Variants in SLC16A2 observed in about 807,000 individuals in gnomAD.
The protein encoded by SLC16A2 is monocarboxylate transporter 8.
SLC16A2 carries 3 observed loss-of-function variants against 27.2 expected under a neutral mutation model. The observed-to-expected ratio is 0.11, with a 90% CI of 0.05 to 0.28. SLC16A2 has a LOEUF of 0.28. Among genes scored for constraint, SLC16A2 ranks in the 10% least tolerant of loss-of-function variants. The pLI, the probability that SLC16A2 is intolerant of heterozygous loss-of-function variation, is 1.00. For synonymous variants in SLC16A2, 202 were observed against 187.8 expected (o/e 1.08, Z -0.62); for missense variants, 295 against 458.5 (o/e 0.64, Z 3.26).
chrX:74,423,049 G>C (rs1309729909), intron 1 of SLC16A2, among the ~76,000 whole-genome samples: 1 of 112,990 alleles, frequency 8.9e-6, no homozygotes, highest in South Asian at 3.6e-4. Flanking sequence ...AAGACCCCAG[G>C]CGTGTGCGCT....
At chrX:74,476,907 G>A (rs1254415316) in intron 1 of SLC16A2, 2 of 111,750 alleles carry the variant, frequency 1.8e-5, no homozygotes, top group African/African-American at 3.3e-5. Flanking sequence ...TTTTTGCATC[G>A]ATGTTCATCA....
chrX:74,450,094 C>G (rs1196243233), intron 1 of SLC16A2, among the ~76,000 whole-genome samples: 1 of 112,140 alleles, frequency 8.9e-6, no homozygotes, highest in Admixed American at 9.5e-5. Flanking sequence ...AACTCATGCA[C>G]TTGCTATGCT....
intron 4 of SLC16A2, among the ~76,000 whole-genome samples, chrX:74,528,969 A>G (rs763479003): frequency 8.1e-5 from 9 of 111,646 alleles, no homozygotes; most frequent in Admixed American, 7.6e-4. Context: ...AGTATCCCCC[A>G]ACTTTCTTTT....
chrX:74,499,777 A>G (rs1384116694), intron 1 of SLC16A2, among the ~76,000 whole-genome samples: 3 of 111,884 alleles, frequency 2.7e-5, no homozygotes, highest in African/African-American at 6.5e-5. Context: ...GTTTCTGAAT[A>G]AAATATTTTT....
At chrX:74,457,093 C>T (rs1929052331) in intron 1 of SLC16A2, among the ~76,000 whole-genome samples, 1 of 106,929 alleles carries the variant, frequency 9.4e-6, no homozygotes, top group South Asian at 4.2e-4. Flanking sequence ...CCCCAGTAGC[C>T]CATCAAAATC....
chrX:74,506,937 A>ATTT lies in SLC16A2; in HGVS notation c.431-14042_431-14040dup, dbSNP rs34001854. 7.7e-3 allele frequency among the ~76,000 whole-genome samples: 646 copies of ATTT among 84,019 alleles called. 10 individuals are homozygous for ATTT. Among genetic ancestry groups the ATTT allele is most frequent in the African/African-American group, 0.028 (600 of 21,274 alleles). 73.0% of individuals were successfully genotyped at this position (84,019 alleles called of 115,157 possible). ...TATTTATTTATTTATTTATTTATTT[A>ATTT]TTTTTTTTTTTTTGAGGCAGGGTCT... On this transcript the variant is annotated intron_variant, in intron 1 of 5. Coordinates refer to ENST00000587091, the MANE Select transcript of SLC16A2 (RefSeq NM_006517.5).
chrX:74,514,361 C>G (rs533023547), intron 1 of SLC16A2, among the ~76,000 whole-genome samples: 1 of 110,915 alleles, frequency 9.0e-6, no homozygotes. Flanking sequence ...CTACTCCAGC[C>G]TAACACCATG....
In SLC16A2 at chrX:74,453,254, C is replaced by T. The variant is rs1414680277; in HGVS notation, c.430+31187C>T. ...GTCGCTATGTTGACCAGGCTGGTCT[C>T]GAATTCCTGACCTCAAGTGATCCAC... On this transcript the variant is annotated intron_variant, in intron 1 of 5. Transcript: ENST00000587091. Among the ~76,000 whole-genome samples, 5 of 110,666 alleles carry T rather than the reference C, an allele frequency of 4.5e-5. No homozygotes were observed. In the East Asian group the frequency reaches 1.4e-3, roughly 32 times the overall value.
Position 74,476,986 on chromosome X carries a change from G to A in SLC16A2, c.431-44004G>A, listed in dbSNP as rs935314782. The A allele has an allele frequency of 6.2e-5, 7 of 112,005 alleles. No homozygotes were observed. In the East Asian group the frequency reaches 2.0e-3, roughly 31 times the overall value. 9.2% of individuals were successfully genotyped at this position (112,005 alleles called of 1,213,427 possible). ...AGGCTTTGGTATCAGAATGATGCTG[G>A]CCTCATAAAATGAGTTCGGGAGGAT... On this transcript the variant is annotated intron_variant, in intron 1 of 5. Transcript: ENST00000587091.
chrX:74,507,401 G>A (rs1930155037), intron 1 of SLC16A2, among the ~76,000 whole-genome samples: 1 of 111,839 alleles, frequency 8.9e-6, no homozygotes, highest in African/African-American at 3.3e-5. Context: ...TGGAGAAAAG[G>A]GAACACTTAT....
chrX:74,504,542 T>G (rs1930091387), intron 1 of SLC16A2, among the ~76,000 whole-genome samples: 1 of 112,074 alleles, frequency 8.9e-6, no homozygotes, highest in South Asian at 3.7e-4. Context: ...ACATCTGCCT[T>G]CCCCAGGACT....
chrX:74,447,197 T>C lies in SLC16A2; in HGVS notation c.430+25130T>C, dbSNP rs897090048. On this transcript the variant is annotated intron_variant, in intron 1 of 5. Coordinates refer to ENST00000587091, the MANE Select transcript of SLC16A2 (RefSeq NM_006517.5). ...TTTGCCCTTCTCTTCCTAAATAAGGTTATTAAGTTATTGACTTATTCAAAT... is the reference window on the plus strand; with the variant it reads ...TTTGCCCTTCTCTTCCTAAATAAGGCTATTAAGTTATTGACTTATTCAAAT... 4.5e-5 allele frequency among the ~76,000 whole-genome samples: 5 copies of C among 112,313 alleles called. No individual in the cohort carries two copies. The Admixed American group carries it at 4.7e-4, about 11-fold the overall frequency.
intron 1 of SLC16A2, among the ~76,000 whole-genome samples, chrX:74,482,404 TCTC>T (rs1483000848): frequency 9.0e-6 from 1 of 111,731 alleles, no homozygotes; most frequent in Admixed American, 9.5e-5. Flanking sequence ...CTCGCTCTCT[TCTC>T]TTTGGGAATC....
At chrX:74,502,715 C>A (rs1930056650) in intron 1 of SLC16A2, among the ~76,000 whole-genome samples, 1 of 111,968 alleles carries the variant, frequency 8.9e-6, no homozygotes, top group Non-Finnish European at 1.9e-5. Context: ...AGAACTCCAG[C>A]CAGATGGTCC....
intron 3 of SLC16A2, among the ~76,000 whole-genome samples, chrX:74,525,371 A>G (rs1930472957): frequency 8.9e-6 from 1 of 112,272 alleles, no homozygotes; most frequent in Admixed American, 9.4e-5. Context: ...ACTTTGGAAG[A>G]GTTGCCTGGA....
intron 1 of SLC16A2, among the ~76,000 whole-genome samples, chrX:74,476,520 T>A (rs903825685): frequency 8.9e-6 from 1 of 112,013 alleles, no homozygotes; most frequent in Admixed American, 9.5e-5. Context: ...CTATGTTGAA[T>A]AGCAGTGGTG....
intron 1 of SLC16A2, among the ~76,000 whole-genome samples, chrX:74,457,692 G>A (rs1929061202): frequency 9.0e-6 from 1 of 111,444 alleles, no homozygotes; most frequent in South Asian, 3.8e-4. Context: ...CACACACAAG[G>A]AATGTCTCTT....
chrX:74,455,827 T>C (rs1929033966), intron 1 of SLC16A2, among the ~76,000 whole-genome samples: 2 of 111,652 alleles, frequency 1.8e-5, no homozygotes, highest in Non-Finnish European at 3.8e-5. Context: ...TGTTCCAAAA[T>C]ACCTATTCAC....
chrX:74,429,995 C>T (rs761287895), intron 1 of SLC16A2, among the ~76,000 whole-genome samples: 18 of 112,100 alleles, frequency 1.6e-4, no homozygotes, highest in African/African-American at 5.2e-4. Flanking sequence ...CTGCATTCCA[C>T]GGTGGAGTTT....
Sources: allele counts gnomAD v4.1 joint callset (sites outside exome capture counted in the v4.1 genomes callset), GRCh38; gene constraint gnomAD v4.1.1; transcripts MANE v1.5; gene names NCBI Gene and HGNC (gene_info 2026-07-23, HGNC 2026-07-21).